The following TBC1D1 variants were observed in gnomAD, a reference collection of about 807,000 sequenced individuals.
TBC1D1 encodes TBC1 (tre-2/USP6, BUB2, cdc16) domain family, member 1.
In TBC1D1, 89 loss-of-function variants were observed where a neutral mutation model predicts 125.6. The ratio of observed to expected loss-of-function variants is 0.71; its 90% CI spans 0.60 to 0.85. The LOEUF (loss-of-function observed/expected upper bound fraction) is 0.85, where lower values mean the gene tolerates loss of function less well. TBC1D1 is among the 40% of genes least tolerant of loss of function. The pLI is 0.00. For synonymous variants in TBC1D1, 565 were observed against 564.1 expected, an observed-to-expected ratio of 1.00 and a Z score of -0.02; for missense variants, 1,377 against 1,469.2, an observed-to-expected ratio of 0.94 and a Z score of 1.03.
rs531449227 is a variant in TBC1D1 at position 37,971,539 on chromosome 4, T to C, written c.418-42970T>C. Among the ~76,000 whole-genome samples, 42 of 152,230 alleles carry C rather than the reference T, an allele frequency of 2.8e-4. No homozygotes were observed. The South Asian group carries it at 7.3e-3, about 26-fold the overall frequency. On this transcript the variant is annotated intron_variant, in intron 2 of 19. Transcript: ENST00000261439. ...ATTCAGTTATCTCCCACTGTGTCCCTCCCACAACTCATGGGAATTATGGGA... is the reference window on the plus strand; with the variant it reads ...ATTCAGTTATCTCCCACTGTGTCCCCCCCACAACTCATGGGAATTATGGGA...
intron 12 of TBC1D1, among the ~76,000 whole-genome samples, chr4:38,056,269 G>A (rs562681893): frequency 5.5e-4 from 83 of 152,268 alleles, no homozygotes; most frequent in Admixed American, 9.2e-4. Flanking sequence ...CCTCGTCACT[G>A]TTTGGGAACC....
chr4:38,026,141 G>C (rs1484717700), intron 6 of TBC1D1, among the ~76,000 whole-genome samples: 1 of 152,056 alleles, frequency 6.6e-6, no homozygotes, highest in Admixed American at 6.5e-5. Context: ...TGCACATAAA[G>C]TGTTAAGTGA....
Position 37,914,131 on chromosome 4 carries a change from C to G in TBC1D1, c.417+11619C>G, listed in dbSNP as rs368962901. On this transcript the variant is annotated intron_variant, in intron 2 of 19. Transcript: ENST00000261439. Reference sequence around the variant, plus strand: ...CTCCTACATTTCTCTTCTGGACACCCTTCCAGATGAACTCATCCAGTCTTA... The same window carrying G: ...CTCCTACATTTCTCTTCTGGACACCGTTCCAGATGAACTCATCCAGTCTTA... 3.2e-4 allele frequency among the ~76,000 whole-genome samples: 48 copies of G among 152,304 alleles called. No homozygotes were observed. In the East Asian group the frequency reaches 6.9e-3, roughly 22 times the overall value.
chr4:37,895,192 T>C (rs1402633561), intron 1 of TBC1D1, among the ~76,000 whole-genome samples: 2 of 152,228 alleles, frequency 1.3e-5, no homozygotes, highest in African/African-American at 2.4e-5. Context: ...TATTCCTTTA[T>C]TGTCCAACGT....
chr4:38,082,925 G>A (rs1376397855), intron 12 of TBC1D1, among the ~76,000 whole-genome samples: 5 of 152,082 alleles, frequency 3.3e-5, no homozygotes, highest in Non-Finnish European at 7.3e-5. Flanking sequence ...GGCTATTTTG[G>A]GAGGGAGTGG....
chr4:38,015,891 T>C (rs1742612930), intron 3 of TBC1D1, among the ~76,000 whole-genome samples: 1 of 152,062 alleles, frequency 6.6e-6, no homozygotes, highest in Admixed American at 6.6e-5. Flanking sequence ...AGGGCTGATG[T>C]TTTCATCTTT....
chr4:38,135,812 A>G (rs1339104139), intron 19 of TBC1D1, among the ~76,000 whole-genome samples: 1 of 152,158 alleles, frequency 6.6e-6, no homozygotes, highest in Non-Finnish European at 1.5e-5. Context: ...GTCACATTCA[A>G]AAAAGTATTT....
chr4:38,125,210 T>C, intron 18 of TBC1D1, 79 bp downstream of exon 20: 5 of 1,410,172 alleles, frequency 3.5e-6, no homozygotes, highest in Non-Finnish European at 4.9e-6. Flanking sequence ...GAGCAGGAAC[T>C]GTTTCCTACC....
intron 13 of TBC1D1, 70 bp from the exon 16 acceptor site, chr4:38,095,859 A>G (rs1386261797): frequency 6.8e-7 from 1 of 1,469,220 alleles, no homozygotes; most frequent in Non-Finnish European, 9.2e-7. Context: ...ACAAGTAGGC[A>G]GCCATGTTGT....
At chr4:38,104,097 T>G (rs893265962) in intron 15 of TBC1D1, among the ~76,000 whole-genome samples, 2 of 142,560 alleles carry the variant, frequency 1.4e-5, no homozygotes, top group Non-Finnish European at 3.0e-5. Flanking sequence ...GAGGCGGAGC[T>G]TGCAGTGAGC....
At chr4:38,087,294 T>A (rs1231454594) in intron 12 of TBC1D1, among the ~76,000 whole-genome samples, 1 of 152,228 alleles carries the variant, frequency 6.6e-6, no homozygotes, top group Non-Finnish European at 1.5e-5. Context: ...CATAAACTTC[T>A]ATAGACAGTG....
At chr4:37,976,649 C>CT (rs373150857) in intron 2 of TBC1D1, among the ~76,000 whole-genome samples, 1,645 of 147,070 alleles carry the variant, frequency 0.011, 23 homozygotes, top group African/African-American at 0.036. Context: ...AACCTTTGGA[C>CT]TTTTTTTTTT....
chr4:37,899,741 A>G (rs1715433797), intron 1 of TBC1D1, among the ~76,000 whole-genome samples: 1 of 152,222 alleles, frequency 6.6e-6, no homozygotes, highest in African/African-American at 2.4e-5. Flanking sequence ...AGGGGAGAGG[A>G]TGAAGTCAAA....
At chr4:38,056,142 T>G (rs953225238) in intron 12 of TBC1D1, among the ~76,000 whole-genome samples, 2 of 152,332 alleles carry the variant, frequency 1.3e-5, no homozygotes, top group Admixed American at 6.5e-5. Flanking sequence ...ATTCCTGGCT[T>G]CTTCTCTGGT....
Position 38,039,365 on chromosome 4 carries a change from C to G in TBC1D1, c.1413+3667C>G, listed in dbSNP as rs762759055. ...ATCTCCTGACCTTGTGATCTGCCCA[C>G]CTCGGCCTTCCAAAGTGCTGGGATT... On this transcript the variant is annotated intron_variant, in intron 8 of 19. Transcript: ENST00000261439. 2.0e-5 allele frequency among the ~76,000 whole-genome samples: 3 copies of G among 152,080 alleles called. No individual in the cohort carries two copies. In the South Asian group the frequency reaches 6.2e-4, roughly 32 times the overall value.
chr4:38,120,689 T>C (rs563170268), intron 17 of TBC1D1, among the ~76,000 whole-genome samples: 1 of 152,210 alleles, frequency 6.6e-6, no homozygotes, highest in Non-Finnish European at 1.5e-5. Context: ...CTTCACATGA[T>C]ACTCACACCT....
chr4:37,896,297 C>G (rs1043121503), intron 1 of TBC1D1, among the ~76,000 whole-genome samples: 1 of 152,178 alleles, frequency 6.6e-6, no homozygotes, highest in East Asian at 1.9e-4. Context: ...GTAAAGTCCC[C>G]ATCCTGCTCT....
intron 17 of TBC1D1, 191 bp downstream of exon 19, chr4:38,118,383 C>A: frequency 1.8e-6 from 1 of 558,872 alleles, no homozygotes; most frequent in Non-Finnish European, 3.0e-6. Flanking sequence ...CTGATAATCA[C>A]GGGGCTTCCC....
intron 2 of TBC1D1, among the ~76,000 whole-genome samples, chr4:37,933,723 AAGAT>A (rs1168740572): frequency 2.0e-5 from 3 of 152,216 alleles, no homozygotes; most frequent in African/African-American, 7.2e-5. Context: ...AACTTGAAAA[AAGAT>A]AGATATGATT....
Sources: gnomAD v4.1 joint callset for allele counts (sites outside exome capture counted in the v4.1 genomes callset) on GRCh38, gnomAD v4.1.1 for gene constraint, MANE v1.5 for transcripts, NCBI Gene and HGNC (gene_info 2026-07-23, HGNC 2026-07-21) for gene names.